PIMREG: variants seen among roughly 807,000 people sequenced by gnomAD.
The protein encoded by PIMREG is PICALM interacting mitotic regulator.
In PIMREG, 19 loss-of-function variants were observed where a neutral mutation model predicts 24.3. The observed-to-expected ratio is 0.78, with a 90% CI of 0.54 to 1.15. The LOEUF (loss-of-function observed/expected upper bound fraction) is 1.15, where lower values mean the gene tolerates loss of function less well. Among genes scored for constraint, PIMREG ranks in the 50% most tolerant of loss-of-function variants. The pLI, the probability that PIMREG is intolerant of heterozygous loss-of-function variation, is 0.00. For missense variants in PIMREG, 283 were observed against 306.8 expected (o/e 0.92, Z 0.58); for synonymous variants, 112 against 124.1 (o/e 0.90, Z 0.65).
intron 5 of PIMREG, 121 bp from the exon 6 acceptor site, chr17:6,450,241 C>T (rs1044765040): frequency 2.4e-5 from 27 of 1,143,300 alleles, no homozygotes; most frequent in Middle Eastern, 2.0e-4. Flanking sequence ...ATTAACAGCA[C>T]GCTGGGGGCC....
Position 6,447,665 on chromosome 17 carries a change from G to A in PIMREG, c.497G>A (p.Arg166Gln), listed in dbSNP as rs761716545. Residue 166 changes from arginine to glutamine, a missense_variant, in exon 3 of 6, where the codon CGG becomes CAG. Transcript: ENST00000572447. Reference protein sequence around the residue: ...WEKEHHRLSVRMGSHAHPLRR... With the variant: ...WEKEHHRLSVQMGSHAHPLRR... ...AAGGAGCATCACCGCCTCTCTGTCCGGATGGGCTCACATGCCCACCCATTA... is the reference window on the plus strand; with the variant it reads ...AAGGAGCATCACCGCCTCTCTGTCCAGATGGGCTCACATGCCCACCCATTA... 1.6e-5 allele frequency: 26 copies of A among 1,613,988 alleles called. No homozygotes were observed. Among genetic ancestry groups the A allele is most frequent in the East Asian group, 8.9e-5 (4 of 44,886 alleles).
chr17:6,446,307 G>A (rs1209478485), intron 2 of PIMREG: 2 of 397,590 alleles, frequency 5.0e-6, no homozygotes, highest in Non-Finnish European at 4.4e-6. Flanking sequence ...AGAGGATTGG[G>A]GGCTGCAGAG....
rs570121713 is a variant in PIMREG at position 6,450,245 on chromosome 17, G to A, written c.*15-117G>A. 12 of 1,165,764 alleles carry A rather than the reference G, an allele frequency of 1.0e-5. No homozygotes were observed. In the African/African-American group the frequency reaches 1.7e-4, roughly 16 times the overall value. The allele number at this position is 1,165,764 out of a possible 1,614,324, so 72.2% of individuals were successfully genotyped here. A position where few individuals can be genotyped will look rare whatever the true frequency, so the allele number is the denominator to read the frequency against. On this transcript the variant is annotated intron_variant, in intron 5 of 5. Transcript: ENST00000572447. The stretch of plus-strand genomic sequence containing the variant: ...CTGACCCCGTCATTAACAGCACGCT[G>A]GGGGCCCCAAGTAGCTACAGCCACC...
Position 6,449,444 on chromosome 17 carries a change from G to A in PIMREG, c.686+37G>A, listed in dbSNP as rs200986364. The A allele has an allele frequency of 1.0e-4, 158 of 1,555,696 alleles. 1 individual carries two copies. In the East Asian group the frequency reaches 2.8e-3, roughly 27 times the overall value. ...TCCCATGCTTCAAAGTGAAGGGGCCGGGAGGGCCCCTCCAGCCATCTTTGT... is the reference window on the plus strand; with the variant it reads ...TCCCATGCTTCAAAGTGAAGGGGCCAGGAGGGCCCCTCCAGCCATCTTTGT... On this transcript the variant is annotated intron_variant, in intron 4 of 5. Transcript: ENST00000572447.
rs769587443 is a variant in PIMREG, at chr17:6,445,253, G to A, written c.143G>A (p.Arg48Lys). The part of the protein sequence containing the change: ...TSVGALGSLC[R>K]QFQRRLPLRA... Reference sequence around the variant, plus strand: ...GTAGGGGCCCTGGGGTCCCTGTGCAGACAGTTCCAAAGGAGGCTGCCCCTG... The same window carrying A: ...GTAGGGGCCCTGGGGTCCCTGTGCAAACAGTTCCAAAGGAGGCTGCCCCTG... The change falls in exon 2 of 6, where the codon AGA becomes AAA. Residue 48 changes from arginine (R) to lysine (K), a missense_variant. By Grantham distance (26) the Arg-to-Lys change is conservative. Transcript: ENST00000572447. 33 of 1,613,768 alleles carry A rather than the reference G, an allele frequency of 2.0e-5. No homozygotes were observed. Among genetic ancestry groups the A allele is most frequent in the Middle Eastern group, 1.7e-4 (1 of 5,946 alleles).
intron 2 of PIMREG, among the ~76,000 whole-genome samples, chr17:6,446,647 A>G (rs1913581628): frequency 6.6e-6 from 1 of 152,196 alleles, no homozygotes; most frequent in Non-Finnish European, 1.5e-5. Flanking sequence ...GCTTGGTCCT[A>G]TGGGCAACAA....
At chr17:6,449,117 G>A (rs1053489014) in intron 3 of PIMREG, among the ~76,000 whole-genome samples, 195 bp from the exon 4 acceptor site, 16 of 152,180 alleles carry the variant, frequency 1.1e-4, no homozygotes, top group African/African-American at 3.6e-4. Context: ...TCACTTGCCC[G>A]TGACCTTGGC....
chr17:6,445,587 A>G (rs962669820), intron 2 of PIMREG, among the ~76,000 whole-genome samples, 183 bp downstream of exon 2: 2 of 152,270 alleles, frequency 1.3e-5, no homozygotes, highest in African/African-American at 4.8e-5. Flanking sequence ...AAATAGTTGA[A>G]TGAGTGAATG....
chr17:6,445,247 T>C lies in PIMREG; in HGVS notation c.137T>C (p.Leu46Pro). The C allele has an allele frequency of 6.2e-7, 1 of 1,613,812 alleles. No homozygotes were observed. The change falls in exon 2 of 6, where the codon CTG becomes CCG. Residue 46 changes from leucine to proline, a missense_variant. Transcript: ENST00000572447. ...QETSVGALGSLCRQFQRRLPL... is the reference protein window; with the variant it reads ...QETSVGALGSPCRQFQRRLPL... ...ACCTCTGTAGGGGCCCTGGGGTCCC[T>C]GTGCAGACAGTTCCAAAGGAGGCTG...
chr17:6,450,108 C>A, intron 5 of PIMREG, 36 bp downstream of exon 5: 1 of 1,603,046 alleles, frequency 6.2e-7, no homozygotes, highest in Non-Finnish European at 8.5e-7. Context: ...TCTCACTGTC[C>A]TTCTCCTCCA....
chr17:6,450,163 G>T (rs1180326482), intron 5 of PIMREG, 91 bp downstream of exon 5: 2 of 1,395,946 alleles, frequency 1.4e-6, no homozygotes, highest in African/African-American at 2.8e-5. Flanking sequence ...AGAGCTGATG[G>T]GCACAGCAGA....
intron 2 of PIMREG, among the ~76,000 whole-genome samples, chr17:6,446,681 A>C (rs1913583324): frequency 6.6e-6 from 1 of 152,222 alleles, no homozygotes; most frequent in Non-Finnish European, 1.5e-5. Context: ...AGTTTTGAGC[A>C]GTTGAGTGTC....
At position 6,444,929 on chromosome 17, in the gene PIMREG, C is replaced by T. The variant is rs958838030; in HGVS notation, c.-35-147C>T. The T allele has an allele frequency of 9.6e-6, 5 of 522,980 alleles. No individual in the cohort carries two copies. The highest frequency in any genetic ancestry group is 3.9e-5 in the Admixed American group (1 of 25,946). 32.4% of individuals were successfully genotyped at this position (522,980 alleles called of 1,614,324 possible). On this transcript the variant is annotated intron_variant, in intron 1 of 5. Coordinates refer to ENST00000572447, the MANE Select transcript of PIMREG (RefSeq NM_019013.3). The surrounding 1 kb of genome is among the most constrained non-coding windows in gnomAD (Gnocchi z 4.3). ...CCGAGGCCCCTCTTCCAGGAAGCAT[C>T]CTCCTTCCTGCACCCACACTTACCA...
chr17:6,448,900 A>G (rs148327925), intron 3 of PIMREG, among the ~76,000 whole-genome samples: 1 of 152,302 alleles, frequency 6.6e-6, no homozygotes, highest in East Asian at 1.9e-4. Context: ...TACTCTCCAC[A>G]TCTGTATTCT....
Position 6,450,578 on chromosome 17 carries a change from G to C in PIMREG, c.*231G>C, listed in dbSNP as rs1383602249. On this transcript the variant is annotated 3_prime_UTR_variant, in exon 6 of 6. Transcript: ENST00000572447. ...GAGTGTCTTGGGGAGACCTTGCAGA[G>C]GGGGAGAATTGTTCCTTCTGCTTTC... The C allele has an allele frequency of 1.8e-6, 1 of 559,732 alleles. No homozygotes were observed. Among genetic ancestry groups the C allele is most frequent in the African/African-American group, 1.9e-5 (1 of 53,254 alleles). The allele number at this position is 559,732 out of a possible 1,614,324, so 34.7% of individuals were successfully genotyped here. A position where few individuals can be genotyped will look rare whatever the true frequency, so the allele number is the denominator to read the frequency against.
Position 6,444,941 on chromosome 17 carries a change from A to G in PIMREG, c.-35-135A>G. 1 of 590,072 alleles carries G rather than the reference A, an allele frequency of 1.7e-6. No individual in the cohort carries two copies. Among genetic ancestry groups the G allele is most frequent in the Admixed American group, 3.5e-5 (1 of 28,564 alleles). 36.6% of individuals were successfully genotyped at this position (590,072 alleles called of 1,614,324 possible). The stretch of plus-strand genomic sequence containing the variant: ...TTCCAGGAAGCATCCTCCTTCCTGC[A>G]CCCACACTTACCAACTCGCCCGCCC... On this transcript the variant is annotated intron_variant, in intron 1 of 5. Coordinates refer to ENST00000572447, the MANE Select transcript of PIMREG (RefSeq NM_019013.3). The surrounding 1 kb of genome is among the most constrained non-coding windows in gnomAD (Gnocchi z 4.3).
chr17:6,449,818 G>A (rs1244051255), intron 4 of PIMREG: 14 of 1,422,028 alleles, frequency 9.8e-6, no homozygotes, highest in East Asian at 2.5e-5. Context: ...GCAGGGCCTC[G>A]GTTGTGGACC....
intron 2 of PIMREG, chr17:6,445,996 G>A (rs532017988): frequency 2.5e-6 from 1 of 400,386 alleles, no homozygotes; most frequent in African/African-American, 2.0e-5. Flanking sequence ...GGAAAGTCTG[G>A]TCTAATTAGC....
intron 3 of PIMREG, among the ~76,000 whole-genome samples, chr17:6,448,880 A>T (rs1597351234): frequency 6.6e-6 from 1 of 152,280 alleles, no homozygotes; most frequent in Middle Eastern, 3.4e-3. Context: ...GCTTGTGTAC[A>T]CTTCAAAAAT....
Sources: allele counts gnomAD v4.1 joint callset (sites outside exome capture counted in the v4.1 genomes callset), GRCh38; gene constraint gnomAD v4.1.1; non-coding constraint Gnocchi (gnomAD v3.1); transcripts MANE v1.5; gene names NCBI Gene and HGNC (gene_info 2026-07-23, HGNC 2026-07-21).